KDM2A: variants seen among roughly 807,000 people sequenced by gnomAD.
The protein encoded by KDM2A is lysine-specific demethylase 2A.
In KDM2A, 3 loss-of-function variants were observed where a neutral mutation model predicts 137.3. That is an observed-to-expected ratio of 0.02 (90% CI 0.01 to 0.06). The LOEUF is 0.06. KDM2A is among the 10% of genes least tolerant of loss of function. The pLI, the probability that KDM2A is intolerant of heterozygous loss-of-function variation, is 1.00. For missense variants in KDM2A, 738 were observed against 1,510.6 expected (o/e 0.49, Z 8.48); for synonymous variants, 512 against 541.5 (o/e 0.95, Z 0.76).
At chr11:67,136,334 C>G (rs1251403134) in intron 2 of KDM2A, among the ~76,000 whole-genome samples, 1 of 152,162 alleles carries the variant, frequency 6.6e-6, no homozygotes, top group African/African-American at 2.4e-5. Context: ...CTGGTGATTC[C>G]AGAGCATACT....
rs1269636942 is a variant in KDM2A at position 67,214,764 on chromosome 11, G to C, written c.487-576G>C. ...TGGGATTGCAGGTGTGAGCCACTGT[G>C]CCTGGTCTATCTTAGTTTTATAGAT... On this transcript the variant is annotated intron_variant, in intron 6 of 20. Coordinates refer to ENST00000529006, the MANE Select transcript of KDM2A (RefSeq NM_012308.3). Among the ~76,000 whole-genome samples, 5 of 152,316 alleles carry C rather than the reference G, an allele frequency of 3.3e-5. 1 individual carries two copies. Among genetic ancestry groups the C allele is most frequent in the Middle Eastern group, 6.8e-3 (2 of 294 alleles).
intron 6 of KDM2A, among the ~76,000 whole-genome samples, chr11:67,214,577 G>T (rs1447771576): frequency 5.3e-5 from 8 of 152,146 alleles, no homozygotes; most frequent in African/African-American, 1.7e-4. Flanking sequence ...GACCTCAGGT[G>T]ATCCGCCTGC....
At chr11:67,219,424 G>A in intron 10 of KDM2A, 21 bp downstream of exon 10, 1 of 1,387,524 alleles carries the variant, frequency 7.2e-7, no homozygotes, top group Non-Finnish European at 1.0e-6. Flanking sequence ...TTATGTAACA[G>A]TTGCATGTGA....
intron 2 of KDM2A, among the ~76,000 whole-genome samples, chr11:67,160,542 TG>T: frequency 6.6e-6 from 1 of 152,148 alleles, no homozygotes; most frequent in South Asian, 2.1e-4. Flanking sequence ...GAGGCCAAGG[TG>T]GGTGGATCAT....
chr11:67,136,735 A>G (rs1231155890), intron 2 of KDM2A, among the ~76,000 whole-genome samples: 1 of 152,202 alleles, frequency 6.6e-6, no homozygotes. Context: ...CAGGCAATGC[A>G]AAGTCCTAAG....
intron 5 of KDM2A, 121 bp downstream of exon 5, chr11:67,182,013 A>G (rs1857101820): frequency 2.5e-6 from 2 of 807,002 alleles, no homozygotes; most frequent in South Asian, 1.6e-5. Context: ...ATTAGAAACT[A>G]CATTTTCATT....
At chr11:67,139,001 A>G (rs1036018140) in intron 2 of KDM2A, among the ~76,000 whole-genome samples, 5 of 152,126 alleles carry the variant, frequency 3.3e-5, no homozygotes, top group Non-Finnish European at 4.4e-5. Context: ...ATTTGCTGAC[A>G]TTTTTCTAAA....
At chr11:67,150,141 A>G (rs995031589) in intron 2 of KDM2A, among the ~76,000 whole-genome samples, 2 of 152,260 alleles carry the variant, frequency 1.3e-5, no homozygotes, top group African/African-American at 4.8e-5. Flanking sequence ...AAGTTTAATT[A>G]AAGGGAAGAA....
chr11:67,138,112 A>G (rs900170796), intron 2 of KDM2A, among the ~76,000 whole-genome samples: 1 of 152,134 alleles, frequency 6.6e-6, no homozygotes, highest in Non-Finnish European at 1.5e-5. Flanking sequence ...TAGTATTATT[A>G]TAGGACCACC....
intron 10 of KDM2A, 73 bp downstream of exon 10, chr11:67,219,476 C>A: frequency 3.0e-6 from 2 of 673,680 alleles, no homozygotes; most frequent in East Asian, 3.3e-5. Context: ...AAGAGATTCA[C>A]TGATGGTTTA....
chr11:67,131,217 G>A (rs1376474235), intron 2 of KDM2A, among the ~76,000 whole-genome samples: 1 of 151,626 alleles, frequency 6.6e-6, no homozygotes, highest in Non-Finnish European at 1.5e-5. Context: ...CCAGCTACTC[G>A]GGAGGCTGAG....
chr11:67,203,534 G>A (rs971463393), intron 5 of KDM2A, among the ~76,000 whole-genome samples: 2 of 147,136 alleles, frequency 1.4e-5, no homozygotes, highest in Non-Finnish European at 3.0e-5. Flanking sequence ...TAATAAATAA[G>A]TAGTCTAGTA....
At position 67,250,551 on chromosome 11, in the gene KDM2A, C is replaced by T. The variant is rs1321046235; in HGVS notation, c.2521C>T (p.Pro841Ser). 4 of 1,613,812 alleles carry T rather than the reference C, an allele frequency of 2.5e-6. No homozygotes were observed. The South Asian group carries it at 4.4e-5, about 18-fold the overall frequency. Residue 841 changes from proline (P) to serine (S), a missense_variant, in exon 17 of 21, where the codon CCA becomes TCA. Pro to Ser is a moderately conservative substitution (Grantham distance 74). This residue lies in a region of KDM2A where 244 missense variants were observed against 324.6 expected (regional missense o/e 0.75). Coordinates refer to ENST00000529006, the MANE Select transcript of KDM2A (RefSeq NM_012308.3). The surrounding 1 kb of genome is among the most constrained non-coding windows in gnomAD (Gnocchi z 7.1). ...CCCCCGTGTGCTAGTGCAGCACTGC[C>T]CAGCCCGAACCCCCCAGCGTGGGGA... is the stretch of plus-strand genomic sequence containing the variant. ...HSPRVLVQHC[P>S]ARTPQRGDEE...
chr11:67,119,949 C>T lies in KDM2A; in HGVS notation c.-184C>T, dbSNP rs970401441. ...GACCCTCTCTGGATACTGGGTTGAT[C>T]CACGGAAAAACCGAAGACGACGTTT... On this transcript the variant is annotated 5_prime_UTR_variant, in exon 1 of 21. Coordinates refer to ENST00000529006, the MANE Select transcript of KDM2A (RefSeq NM_012308.3). The T allele has an allele frequency of 1.7e-4, 26 of 152,260 alleles. No individual in the cohort carries two copies. Among genetic ancestry groups the T allele is most frequent in the African/African-American group, 6.0e-4 (25 of 41,452 alleles). 9.4% of individuals were successfully genotyped at this position (152,260 alleles called of 1,614,324 possible).
At chr11:67,248,133 T>C (rs1052255153) in intron 15 of KDM2A, 148 bp from the exon 16 acceptor site, 4 of 623,526 alleles carry the variant, frequency 6.4e-6, no homozygotes, top group African/African-American at 3.7e-5. Context: ...TTCAGCACCA[T>C]TGGCTATTTG....
intron 2 of KDM2A, among the ~76,000 whole-genome samples, chr11:67,168,445 G>T (rs1227535780): frequency 1.3e-5 from 2 of 151,860 alleles, no homozygotes; most frequent in Admixed American, 6.6e-5. Flanking sequence ...CCCCCTAGTG[G>T]CCAGCAATCT....
At chr11:67,135,522 C>T (rs1283696135) in intron 2 of KDM2A, among the ~76,000 whole-genome samples, 1 of 152,158 alleles carries the variant, frequency 6.6e-6, no homozygotes, top group African/African-American at 2.4e-5. Flanking sequence ...GGCCCTCAGC[C>T]TTAATTCATC....
At chr11:67,196,066 T>C (rs992747168) in intron 5 of KDM2A, 2 of 398,788 alleles carry the variant, frequency 5.0e-6, no homozygotes, top group African/African-American at 4.1e-5. Context: ...ACCCACCCCA[T>C]CCCAGTTAAG....
intron 12 of KDM2A, among the ~76,000 whole-genome samples, chr11:67,241,708 C>G (rs1443905811): frequency 1.3e-5 from 2 of 152,094 alleles, no homozygotes; most frequent in Non-Finnish European, 2.9e-5. Flanking sequence ...CTTTAGGGCT[C>G]ATAAGGTCAG....
Sources: allele counts gnomAD v4.1 joint callset (sites outside exome capture counted in the v4.1 genomes callset), GRCh38; gene constraint gnomAD v4.1.1; regional missense constraint gnomAD v4.1.1; non-coding constraint Gnocchi (gnomAD v3.1); transcripts MANE v1.5; gene names NCBI Gene and HGNC (gene_info 2026-07-23, HGNC 2026-07-21).